Variants in SHOX observed in about 807,000 individuals in gnomAD.
SHOX encodes the protein SHOX homeobox.
A neutral mutation model predicts 29.6 loss-of-function variants in SHOX; 12 were observed. That is an observed-to-expected ratio of 0.41 (90% CI 0.26 to 0.66). SHOX has a LOEUF of 0.66. SHOX is among the 30% of genes least tolerant of loss of function. The pLI, the probability that SHOX is intolerant of heterozygous loss-of-function variation, is 0.35. For synonymous variants in SHOX, 214 were observed against 200.6 expected (o/e 1.07, Z -0.57); for missense variants, 499 against 437.7 (o/e 1.14, Z -1.25).
upstream of SHOX, among the ~76,000 whole-genome samples, chrX:625,959 C>G (rs2052525185): frequency 3.7e-5 from 2 of 54,172 alleles, no homozygotes; most frequent in Non-Finnish European, 4.0e-5. Flanking sequence ...TCGTTCCTCT[C>G]TCTCTTTTTC....
At chrX:655,713 G>C (rs2053138030), downstream of SHOX, among the ~76,000 whole-genome samples, 1 of 149,954 alleles carries the variant, frequency 6.7e-6, no homozygotes, top group Admixed American at 6.7e-5. Context: ...CCTTGGGAAA[G>C]TGAAATTGTC....
rs2052935074 is a variant in SHOX at position 644,801 on chromosome X, G to T, written c.*165G>T. On this transcript the variant is annotated 3_prime_UTR_variant, in exon 5 of 5. Coordinates refer to ENST00000686671, the MANE Select transcript of SHOX (RefSeq NM_000451.4). ...CCTGAGGAGGGAGGCTCCCGGGACC[G>T]TCCACGCACGACCCAGCCAGACCCT... 1 of 924,860 alleles carries T rather than the reference G, an allele frequency of 1.1e-6. No individual in the cohort carries two copies. The highest frequency in any genetic ancestry group is 1.5e-6 in the Non-Finnish European group (1 of 679,920). The allele number at this position is 924,860 out of a possible 1,614,324, so 57.3% of individuals were successfully genotyped here. A position where few individuals can be genotyped will look rare whatever the true frequency, so the allele number is the denominator to read the frequency against.
chrX:652,222 G>C (rs1405568429), downstream of SHOX, among the ~76,000 whole-genome samples: 1 of 151,894 alleles, frequency 6.6e-6, no homozygotes, highest in African/African-American at 2.4e-5. Flanking sequence ...TTTTGTTCCA[G>C]TTTTCGACAG....
At chrX:636,632 ATAAAG>A (rs200563241) in intron 2 of SHOX, among the ~76,000 whole-genome samples, 272 of 14,422 alleles carry the variant, frequency 0.019, 106 homozygotes, top group East Asian at 0.076. Context: ...ATATATACAT[ATAAAG>A]AAATATATAT....
downstream of SHOX, among the ~76,000 whole-genome samples, chrX:652,410 G>C (rs1329295327): frequency 7.0e-6 from 1 of 143,058 alleles, no homozygotes; most frequent in Non-Finnish European, 1.5e-5. Flanking sequence ...GGATTTGGCC[G>C]GCCTGACTGC....
intron 3 of SHOX, 42 bp from the exon 4 acceptor site, chrX:640,957 A>C: frequency 6.2e-7 from 1 of 1,613,250 alleles, no homozygotes; most frequent in Non-Finnish European, 8.5e-7. Context: ...TGCTGGCTAC[A>C]CCCAGGACCA....
downstream of SHOX, among the ~76,000 whole-genome samples, chrX:654,787 C>A (rs1019713986): frequency 3.3e-5 from 5 of 152,022 alleles, no homozygotes; most frequent in Non-Finnish European, 7.4e-5. Flanking sequence ...CGGGTTCAAG[C>A]GATTTTCCTG....
intron 1 of SHOX, among the ~76,000 whole-genome samples, chrX:631,554 CAG>C (rs1319735609): frequency 6.9e-6 from 1 of 145,010 alleles, no homozygotes; most frequent in Non-Finnish European, 1.5e-5. Context: ...TTGTTTGAGA[CAG>C]AGTCTCGCTC....
chrX:635,101 G>C (rs1010509922), intron 2 of SHOX, among the ~76,000 whole-genome samples: 14 of 151,878 alleles, frequency 9.2e-5, no homozygotes, highest in African/African-American at 3.4e-4. Context: ...TATACAGATG[G>C]GTATATTGTA....
At chrX:643,135 T>C (rs1343713559) in intron 4 of SHOX, among the ~76,000 whole-genome samples, 2 of 147,582 alleles carry the variant, frequency 1.4e-5, no homozygotes, top group Non-Finnish European at 3.0e-5. Context: ...TGGAGAGGCT[T>C]GGGGACCTGG....
chrX:641,162 C>T (rs972163979), intron 4 of SHOX, 75 bp downstream of exon 4: 10 of 1,346,770 alleles, frequency 7.4e-6, no homozygotes, highest in Non-Finnish European at 1.1e-5. Flanking sequence ...TTTGCTGCCG[C>T]ATCCTGACAC....
chrX:630,441 C>T (rs947149754), upstream of SHOX: 2 of 208,034 alleles, frequency 9.6e-6, no homozygotes, highest in African/African-American at 4.7e-5. Flanking sequence ...CCGTGAACTC[C>T]TTGTCTCTCT....
chrX:635,408 T>G (rs1353736899), intron 2 of SHOX, among the ~76,000 whole-genome samples: 2 of 152,208 alleles, frequency 1.3e-5, no homozygotes, highest in Non-Finnish European at 2.9e-5. Context: ...CCTCTGTCCC[T>G]AGGTGGAGAG....
intron 2 of SHOX, among the ~76,000 whole-genome samples, chrX:639,246 GCAGAATGCCCCCACCACAAAGC>G (rs765603721): frequency 6.6e-6 from 1 of 152,316 alleles, no homozygotes; most frequent in South Asian, 2.1e-4. Flanking sequence ...CCTTAGAGGG[GCAGAATGCCCCCACCACAAAGC>G]CTGCTATCCT....
chrX:642,992 A>T (rs1239309549), intron 4 of SHOX, among the ~76,000 whole-genome samples: 6 of 143,486 alleles, frequency 4.2e-5, no homozygotes, highest in African/African-American at 1.6e-4. Context: ...GTGTTCTGGG[A>T]GAGGCTTGGG....
In SHOX at chrX:658,131, C is replaced by T. The variant is rs112181138; in HGVS notation, c.634-654C>T. ...CTGGGATCACAGGTGTGCACCACCA[C>T]GCCTGGCTAATGTTTGTATTTTCAG... On this transcript the variant is annotated intron_variant, in intron 5 of 5. Transcript: ENST00000334060. 3.3e-5 allele frequency among the ~76,000 whole-genome samples: 5 copies of T among 151,976 alleles called. No homozygotes were observed. In the South Asian group the frequency reaches 6.3e-4, roughly 19 times the overall value.
At chrX:626,250 C>CCT (rs763365538), upstream of SHOX, among the ~76,000 whole-genome samples, 2 of 149,762 alleles carry the variant, frequency 1.3e-5, no homozygotes, top group Admixed American at 1.3e-4. Context: ...TTCTCTCTCT[C>CCT]CTCTCTCTCT....
chrX:655,703 C>G (rs1217419410), downstream of SHOX, among the ~76,000 whole-genome samples: 2 of 147,142 alleles, frequency 1.4e-5, no homozygotes, highest in African/African-American at 5.0e-5. Context: ...CTGGTTTTCC[C>G]CTTGGGAAAG....
rs1445143107 is a variant in SHOX at position 648,301 on chromosome X, C to G, written c.*3665C>G. On this transcript the variant is annotated 3_prime_UTR_variant, in exon 5 of 5. Transcript: ENST00000686671. ...GGGATTACAGGCACCTGCCACCAGG[C>G]CTGGGTAACTTTCTGGTAGTTTTAG... 1.3e-5 allele frequency among the ~76,000 whole-genome samples: 2 copies of G among 148,702 alleles called. No individual in the cohort carries two copies. The highest frequency in any genetic ancestry group is 3.0e-5 in the Non-Finnish European group (2 of 67,404).
Sources: gnomAD v4.1 joint callset for allele counts (sites outside exome capture counted in the v4.1 genomes callset) on GRCh38, gnomAD v4.1.1 for gene constraint, MANE v1.5 for transcripts, NCBI Gene and HGNC (gene_info 2026-07-23, HGNC 2026-07-21) for gene names.